The following NPAS3 variants were observed in gnomAD, a reference collection of about 807,000 sequenced individuals.
NPAS3 encodes the protein neuronal PAS domain protein 3.
Under a neutral mutation model 73.1 loss-of-function variants are expected in NPAS3, and 14 were observed. The observed-to-expected ratio is 0.19, with a 90% CI of 0.13 to 0.30. The LOEUF (loss-of-function observed/expected upper bound fraction) is 0.30, where lower values mean the gene tolerates loss of function less well. Among genes scored for constraint, NPAS3 ranks in the 10% least tolerant of loss-of-function variants. NPAS3 has a pLI of 1.00. For missense variants in NPAS3, 1,096 were observed against 1,250.0 expected, an observed-to-expected ratio of 0.88 and a Z score of 1.86; for synonymous variants, 620 against 541.5, an observed-to-expected ratio of 1.14 and a Z score of -2.01.
chr14:33,235,805 CT>C (rs35968798), intron 3 of NPAS3, among the ~76,000 whole-genome samples: 38 of 80,630 alleles, frequency 4.7e-4, no homozygotes, highest in African/African-American at 1.5e-3. Flanking sequence ...TGATACAATT[CT>C]TTTTTTTTTT....
At chr14:33,593,755 C>G (rs1326294450) in intron 5 of NPAS3, among the ~76,000 whole-genome samples, 2 of 151,992 alleles carry the variant, frequency 1.3e-5, no homozygotes, top group African/African-American at 4.8e-5. Flanking sequence ...ATTAGGAGTC[C>G]TTACTTTTAC....
chr14:33,467,020 G>A (rs1436473656), intron 4 of NPAS3, among the ~76,000 whole-genome samples: 1 of 152,164 alleles, frequency 6.6e-6, no homozygotes, highest in African/African-American at 2.4e-5. Context: ...CTTATTCATT[G>A]GTTGTGTTTT....
chr14:33,398,407 T>TA (rs57064212), intron 4 of NPAS3, among the ~76,000 whole-genome samples: 81,718 of 142,762 alleles, frequency 0.57, 24,850 homozygotes, highest in Non-Finnish European at 0.7. Flanking sequence ...TATTTTCCTT[T>TA]AAAAAAAAAA....
chr14:33,198,994 C>T (rs1238034707), intron 2 of NPAS3, among the ~76,000 whole-genome samples: 1 of 152,192 alleles, frequency 6.6e-6, no homozygotes, highest in African/African-American at 2.4e-5. Flanking sequence ...AAGCCCCACA[C>T]TGTCCGTGGC....
chr14:32,969,353 A>C (rs535315614), intron 1 of NPAS3, among the ~76,000 whole-genome samples: 9 of 152,258 alleles, frequency 5.9e-5, no homozygotes, highest in East Asian at 3.9e-4. Context: ...TGGGGAGTAC[A>C]TGAGGGTGCC....
chr14:33,610,493 A>G (rs2057716547), intron 5 of NPAS3, among the ~76,000 whole-genome samples: 1 of 152,112 alleles, frequency 6.6e-6, no homozygotes, highest in African/African-American at 2.4e-5. Context: ...TACAGTTAGA[A>G]ATGCTCTTGT....
At position 33,163,005 on chromosome 14, in the gene NPAS3, A is replaced by G. The variant is rs1331581720; in HGVS notation, c.141-52177A>G. The stretch of plus-strand genomic sequence containing the variant: ...CATTACTGCTGACAAAGAAAAAGGA[A>G]GTCCCAGTGACACCTCTTAACATCA... On this transcript the variant is annotated intron_variant, in intron 2 of 11. Coordinates refer to ENST00000356141, the Ensembl canonical transcript of NPAS3. Among the ~76,000 whole-genome samples the G allele has an allele frequency of 2.6e-5, 4 of 152,360 alleles. No homozygotes were observed. In the South Asian group the frequency reaches 8.3e-4, roughly 32 times the overall value.
chr14:32,999,164 A>G (rs982044450), intron 1 of NPAS3, among the ~76,000 whole-genome samples: 3 of 152,100 alleles, frequency 2.0e-5, no homozygotes, highest in East Asian at 1.9e-4. Flanking sequence ...CTTCTTTTCT[A>G]TATCTTGATT....
intron 5 of NPAS3, among the ~76,000 whole-genome samples, chr14:33,638,187 T>G (rs2058578265): frequency 6.6e-6 from 1 of 152,182 alleles, no homozygotes; most frequent in Admixed American, 6.5e-5. Context: ...CTAATCAAAT[T>G]TTTCCTTTTT....
intron 2 of NPAS3, among the ~76,000 whole-genome samples, chr14:33,163,623 G>GTTTTTTTTTTT (rs71448290): frequency 1.8e-5 from 2 of 110,614 alleles, no homozygotes; most frequent in Non-Finnish European, 3.9e-5. Context: ...GTGTTTTGTT[G>GTTTTTTTTTTT]TTTTTTTTTT....
rs144475910 is a variant in NPAS3 at position 33,546,288 on chromosome 14, A to G, written c.469-13833A>G. On this transcript the variant is annotated intron_variant, in intron 4 of 11. Coordinates refer to ENST00000356141, the Ensembl canonical transcript of NPAS3. The stretch of plus-strand genomic sequence containing the variant: ...AATCCTGTTGTCGATTGACTTATGC[A>G]GAAAAGTGGTGAGAAGAGTCCTAAT... 3.5e-4 allele frequency among the ~76,000 whole-genome samples: 54 copies of G among 152,352 alleles called. No individual in the cohort carries two copies. The East Asian group carries it at 0.01, about 29-fold the overall frequency.
intron 4 of NPAS3, among the ~76,000 whole-genome samples, chr14:33,523,994 G>A (rs907301576): frequency 6.6e-6 from 1 of 152,138 alleles, no homozygotes; most frequent in Non-Finnish European, 1.5e-5. Flanking sequence ...CCTAGTGCTA[G>A]GCATATAATA....
chr14:33,769,914 C>T (rs139304756), intron 7 of NPAS3, among the ~76,000 whole-genome samples: 19 of 151,838 alleles, frequency 1.3e-4, no homozygotes, highest in African/African-American at 4.6e-4. Flanking sequence ...AAGACATGAA[C>T]CAATATGCCC....
At chr14:33,658,783 T>G (rs1444108867) in intron 5 of NPAS3, among the ~76,000 whole-genome samples, 1 of 152,170 alleles carries the variant, frequency 6.6e-6, no homozygotes, top group African/African-American at 2.4e-5. Context: ...TGGTTCAGCA[T>G]GAGACCCATC....
chr14:33,159,789 G>A (rs548019625), intron 2 of NPAS3, among the ~76,000 whole-genome samples: 3 of 152,020 alleles, frequency 2.0e-5, no homozygotes, highest in Non-Finnish European at 4.4e-5. Context: ...TCCTGACCTC[G>A]TGATCCACCT....
intron 2 of NPAS3, among the ~76,000 whole-genome samples, chr14:33,071,558 A>G (rs1416810530): frequency 6.6e-6 from 1 of 152,194 alleles, no homozygotes; most frequent in Non-Finnish European, 1.5e-5. Context: ...GCTAATCTAC[A>G]TCCTTCCTAC....
intron 1 of NPAS3, among the ~76,000 whole-genome samples, chr14:32,973,249 A>G (rs998529904): frequency 6.6e-6 from 1 of 152,192 alleles, no homozygotes; most frequent in Non-Finnish European, 1.5e-5. Context: ...CCAAGCCCAA[A>G]CAAGGAGTGG....
rs539659461 is a variant in NPAS3, at chr14:33,384,682, A to T, written c.468+17414A>T. Among the ~76,000 whole-genome samples the T allele has an allele frequency of 2.0e-5, 3 of 152,318 alleles. No homozygotes were observed. In the South Asian group the frequency reaches 6.2e-4, roughly 32 times the overall value. On this transcript the variant is annotated intron_variant, in intron 4 of 11. Coordinates refer to ENST00000356141, the Ensembl canonical transcript of NPAS3. The stretch of plus-strand genomic sequence containing the variant: ...GAGGTGGAGGTTGCAGTGGGCCGAG[A>T]TCGCTCTATCCCACTCCAGCCTGGG...
At chr14:33,697,368 T>C (rs913032416) in intron 6 of NPAS3, among the ~76,000 whole-genome samples, 2 of 152,200 alleles carry the variant, frequency 1.3e-5, no homozygotes, top group Non-Finnish European at 2.9e-5. Flanking sequence ...GGCAGAACTT[T>C]TGTTCTTGAT....
Sources: allele counts gnomAD v4.1 joint callset (sites outside exome capture counted in the v4.1 genomes callset), GRCh38; gene constraint gnomAD v4.1.1; transcripts MANE v1.5; gene names NCBI Gene and HGNC (gene_info 2026-07-23, HGNC 2026-07-21).